The following SULF2 variants were observed in gnomAD, a reference collection of about 807,000 sequenced individuals.
SULF2 encodes sulfatase 2.
Under a neutral mutation model 107.7 loss-of-function variants are expected in SULF2, and 52 were observed. That is an observed-to-expected ratio of 0.48 (90% CI 0.39 to 0.61). The LOEUF is 0.61. SULF2 is among the 20% of genes least tolerant of loss of function. The pLI, the probability that SULF2 is intolerant of heterozygous loss-of-function variation, is 0.00. For synonymous variants in SULF2, 460 were observed against 464.3 expected (o/e 0.99, Z 0.12); for missense variants, 993 against 1,177.3 (o/e 0.84, Z 2.29).
intron 4 of SULF2, among the ~76,000 whole-genome samples, chr20:47,691,070 A>C (rs1352328970): frequency 6.6e-6 from 1 of 152,188 alleles, no homozygotes; most frequent in East Asian, 1.9e-4. Context: ...AATGGCACAC[A>C]GCTAGTAAAT....
At chr20:47,771,159 C>A (rs549262215) in intron 1 of SULF2, among the ~76,000 whole-genome samples, 1 of 152,174 alleles carries the variant, frequency 6.6e-6, no homozygotes, top group African/African-American at 2.4e-5. Context: ...CGATCTGATC[C>A]CTGGCTGTCG....
intron 11 of SULF2, among the ~76,000 whole-genome samples, chr20:47,668,028 T>C (rs2087335469): frequency 6.6e-6 from 1 of 152,232 alleles, no homozygotes; most frequent in African/African-American, 2.4e-5. Flanking sequence ...AGCCTTCTCC[T>C]GGGCACTTCT....
intron 2 of SULF2, among the ~76,000 whole-genome samples, chr20:47,750,928 C>A (rs1407688223): frequency 2.0e-5 from 3 of 152,204 alleles, no homozygotes; most frequent in Non-Finnish European, 4.4e-5. Context: ...TTCCCCTTCC[C>A]AATGAGACCA....
chr20:47,753,151 T>C lies in SULF2; in HGVS notation c.175+4038A>G, dbSNP rs541811922. On this transcript the variant is annotated intron_variant, in intron 2 of 20. Coordinates refer to ENST00000688720, the MANE Select transcript of SULF2 (RefSeq NM_001387048.1). The stretch of plus-strand genomic sequence containing the variant: ...AAAGAAAAGAAATGCAAACACTGGA[T>C]GCAGTCTCGTGGGGCACACTTCAAA... Among the ~76,000 whole-genome samples, 6 of 149,676 alleles carry C rather than the reference T, an allele frequency of 4.0e-5. No individual in the cohort carries two copies. In the South Asian group the frequency reaches 1.3e-3, roughly 32 times the overall value.
At chr20:47,726,212 C>G (rs978092974) in intron 3 of SULF2, among the ~76,000 whole-genome samples, 1 of 152,100 alleles carries the variant, frequency 6.6e-6, no homozygotes, top group Non-Finnish European at 1.5e-5. Flanking sequence ...CTTTATTCTT[C>G]TTTCTTTTTT....
chr20:47,723,698 C>T (rs2089359361), intron 3 of SULF2, among the ~76,000 whole-genome samples: 1 of 152,200 alleles, frequency 6.6e-6, no homozygotes, highest in Admixed American at 6.5e-5. Context: ...TTATGACAAT[C>T]TAATGCCTGA....
At chr20:47,673,044 C>G (rs2087528729) in intron 10 of SULF2, among the ~76,000 whole-genome samples, 1 of 152,218 alleles carries the variant, frequency 6.6e-6, no homozygotes, top group Non-Finnish European at 1.5e-5. Flanking sequence ...GCACTCAACT[C>G]CAGGCCTGTG....
rs1408609307 is a variant in SULF2, at chr20:47,668,384, G to T, written c.1577-1896C>A. ...CTTTACTCTCTGGCTCTTCACAGAA[G>T]CGGTATGCCAGCCCTGTGTGAATCC... On this transcript the variant is annotated intron_variant, in intron 11 of 20. Coordinates refer to ENST00000688720, the MANE Select transcript of SULF2 (RefSeq NM_001387048.1). Among the ~76,000 whole-genome samples, 4 of 152,212 alleles carry T rather than the reference G, an allele frequency of 2.6e-5. No individual in the cohort carries two copies. The East Asian group carries it at 7.7e-4, about 29-fold the overall frequency.
intron 2 of SULF2, among the ~76,000 whole-genome samples, chr20:47,746,049 TG>T (rs2090027662): frequency 6.6e-6 from 1 of 152,254 alleles, no homozygotes; most frequent in African/African-American, 2.4e-5. Context: ...GGGCCCACAG[TG>T]GGCTGGACCT....
upstream of SULF2, chr20:47,785,737 G>C (rs2090921007): frequency 6.8e-6 from 1 of 147,602 alleles, no homozygotes; most frequent in African/African-American, 2.4e-5. Flanking sequence ...TCCGGGGCGG[G>C]GAGCGTCGGG....
In SULF2 at chr20:47,678,460, C is replaced by G. The variant is rs555893579; in HGVS notation, c.1193+216G>C. ...ATTTTAGCTCAGAGAAGGTCCCCAACTGGTCACCTTGGCCACATTCCAGAT... is the reference window on the plus strand; with the variant it reads ...ATTTTAGCTCAGAGAAGGTCCCCAAGTGGTCACCTTGGCCACATTCCAGAT... On this transcript the variant is annotated intron_variant, in intron 8 of 20. Coordinates refer to ENST00000688720, the MANE Select transcript of SULF2 (RefSeq NM_001387048.1). The surrounding 1 kb of genome is among the most constrained non-coding windows in gnomAD (Gnocchi z 4.5). 181 of 619,292 alleles carry G rather than the reference C, an allele frequency of 2.9e-4. No individual in the cohort carries two copies. The highest frequency in any genetic ancestry group is 2.9e-3 in the African/African-American group (159 of 54,964). The allele number at this position is 619,292 out of a possible 1,614,324, so 38.4% of individuals were successfully genotyped here.
At chr20:47,683,265 C>A in intron 6 of SULF2, 96 bp from the exon 7 acceptor site, 1 of 1,259,588 alleles carries the variant, frequency 7.9e-7, no homozygotes. Context: ...CAGGCCCCGT[C>A]CCTCCCCTGC....
chr20:47,663,433 C>G lies in SULF2; in HGVS notation c.2227+20G>C. ...ACCCCTGGGCCTCAGCCTGTCCACC[C>G]CTGCCCTGGGCTTGCTCACGTGTCC... On this transcript the variant is annotated intron_variant, in intron 16 of 20. Coordinates refer to ENST00000688720, the MANE Select transcript of SULF2 (RefSeq NM_001387048.1). The G allele has an allele frequency of 6.2e-7, 1 of 1,605,492 alleles. No homozygotes were observed. Among genetic ancestry groups the G allele is most frequent in the Non-Finnish European group, 8.5e-7 (1 of 1,179,944 alleles).
intron 1 of SULF2, among the ~76,000 whole-genome samples, chr20:47,783,772 G>A (rs1404779937): frequency 6.6e-6 from 1 of 152,104 alleles, no homozygotes; most frequent in Non-Finnish European, 1.5e-5. Context: ...ATGTACAAAG[G>A]TCCAACATGC....
intron 11 of SULF2, among the ~76,000 whole-genome samples, chr20:47,670,690 G>A (rs1358369033): frequency 7.7e-5 from 7 of 91,142 alleles, no homozygotes; most frequent in African/African-American, 9.3e-5. Flanking sequence ...TGGGAGAGCG[G>A]GGTGGGAGAA....
At chr20:47,772,590 A>C (rs2090651882) in intron 1 of SULF2, among the ~76,000 whole-genome samples, 1 of 152,136 alleles carries the variant, frequency 6.6e-6, no homozygotes, top group Non-Finnish European at 1.5e-5. Context: ...GCAGAAAAGG[A>C]AAAGGGGAAA....
At chr20:47,767,574 G>A (rs950244953) in intron 1 of SULF2, among the ~76,000 whole-genome samples, 2 of 152,176 alleles carry the variant, frequency 1.3e-5, no homozygotes, top group Admixed American at 6.5e-5. Flanking sequence ...AGGTCAGATC[G>A]AGACCATCCT....
At chr20:47,672,964 G>T (rs374872059) in intron 10 of SULF2, among the ~76,000 whole-genome samples, 1 of 152,154 alleles carries the variant, frequency 6.6e-6, no homozygotes, top group African/African-American at 2.4e-5. Context: ...GTCTGCTCCA[G>T]CGCAAGGAGG....
At chr20:47,719,637 T>C (rs2089229583) in intron 3 of SULF2, among the ~76,000 whole-genome samples, 1 of 152,226 alleles carries the variant, frequency 6.6e-6, no homozygotes, top group Admixed American at 6.5e-5. Flanking sequence ...ACCTATATTC[T>C]AATAAATCCT....
Sources: gnomAD v4.1 joint callset for allele counts (sites outside exome capture counted in the v4.1 genomes callset) on GRCh38, gnomAD v4.1.1 for gene constraint, Gnocchi (gnomAD v3.1) non-coding constraint, MANE v1.5 for transcripts, NCBI Gene and HGNC (gene_info 2026-07-23, HGNC 2026-07-21) for gene names.